INSR: variants seen among roughly 807,000 people sequenced by gnomAD.
INSR encodes the protein insulin receptor.
Under a neutral mutation model 142.6 loss-of-function variants are expected in INSR, and 67 were observed. The ratio of observed to expected loss-of-function variants is 0.47; its 90% CI spans 0.39 to 0.58. The LOEUF (loss-of-function observed/expected upper bound fraction) is 0.58, where lower values mean the gene tolerates loss of function less well. Ranked by LOEUF, INSR falls within the 20% of genes least tolerant of loss-of-function variation. The probability of loss-of-function intolerance (pLI) is 0.00; values close to 1 mark genes in which losing one functional copy is unlikely to be tolerated. For synonymous variants in INSR, 756 were observed against 743.1 expected (o/e 1.02, Z -0.28); for missense variants, 1,248 against 1,833.2 (o/e 0.68, Z 5.83).
At chr19:7,141,651 G>T in intron 13 of INSR, 26 bp downstream of exon 13, 4 of 1,613,770 alleles carry the variant, frequency 2.5e-6, no homozygotes, top group Non-Finnish European at 2.5e-6. Context: ...GTGTGCAGGG[G>T]CATGCCCAAG....
chr19:7,212,669 T>C (rs748246683), intron 2 of INSR, among the ~76,000 whole-genome samples: 5 of 152,024 alleles, frequency 3.3e-5, no homozygotes, highest in Non-Finnish European at 7.4e-5. Flanking sequence ...CACTGCAAGC[T>C]CTACCTCCCG....
At chr19:7,226,324 G>A (rs528232670) in intron 2 of INSR, among the ~76,000 whole-genome samples, 1 of 145,488 alleles carries the variant, frequency 6.9e-6, no homozygotes, top group Non-Finnish European at 1.5e-5. Context: ...GCAGGAGAAT[G>A]GTTTGAACCT....
intron 13 of INSR, among the ~76,000 whole-genome samples, chr19:7,133,157 G>C (rs1599883195): frequency 6.6e-6 from 1 of 152,044 alleles, no homozygotes; most frequent in Admixed American, 6.6e-5. Flanking sequence ...AGCTACTCAG[G>C]AGGCTAAGGC....
chr19:7,163,948 A>AAAAAAAAAAAAATATATATATATAT (rs1411048837), intron 8 of INSR, among the ~76,000 whole-genome samples: 1 of 136,032 alleles, frequency 7.4e-6, no homozygotes, highest in African/African-American at 3.2e-5. Flanking sequence ...AAAAAAAAAA[A>AAAAAAAAAAAAATATATATATATAT]ATTAGCTGGA....
At chr19:7,182,453 C>T (rs1295083080) in intron 3 of INSR, among the ~76,000 whole-genome samples, 1 of 152,134 alleles carries the variant, frequency 6.6e-6, no homozygotes, top group African/African-American at 2.4e-5. Context: ...GCAGAGGTTG[C>T]AGTGAGCTGA....
intron 2 of INSR, among the ~76,000 whole-genome samples, chr19:7,232,060 T>C (rs1975996989): frequency 1.3e-5 from 2 of 152,156 alleles, no homozygotes; most frequent in Non-Finnish European, 2.9e-5. Context: ...TAGTAATCAT[T>C]GTAACACCTC....
At chr19:7,193,132 T>TTC (rs1974645763) in intron 2 of INSR, among the ~76,000 whole-genome samples, 1 of 151,148 alleles carries the variant, frequency 6.6e-6, no homozygotes, top group Non-Finnish European at 1.5e-5. Context: ...TTTTTTTTTT[T>TTC]CCCCAGATGG....
intron 2 of INSR, among the ~76,000 whole-genome samples, chr19:7,207,839 A>T (rs1975146318): frequency 6.6e-6 from 1 of 150,650 alleles, no homozygotes; most frequent in Non-Finnish European, 1.5e-5. Flanking sequence ...ATGAGCTATG[A>T]CTGTGCCGTT....
At chr19:7,291,742 C>CCACA (rs897039828) in intron 1 of INSR, among the ~76,000 whole-genome samples, 10 of 152,294 alleles carry the variant, frequency 6.6e-5, no homozygotes, top group Admixed American at 6.5e-4. Context: ...GAACAGGGAA[C>CCACA]CACACACACG....
chr19:7,238,550 G>T lies in INSR; in HGVS notation c.652+28795C>A, dbSNP rs1430420121. ...GCAGGAGAATCACTTGAACCCAGGA[G>T]GTAGAGGTTGCAATGAGCTGAGATC... is the stretch of plus-strand genomic sequence containing the variant. On this transcript the variant is annotated intron_variant, in intron 2 of 21. Coordinates refer to ENST00000302850, the MANE Select transcript of INSR (RefSeq NM_000208.4). 2.0e-5 allele frequency among the ~76,000 whole-genome samples: 3 copies of T among 146,994 alleles called. No individual in the cohort carries two copies. In the East Asian group the frequency reaches 6.0e-4, roughly 29 times the overall value.
intron 2 of INSR, among the ~76,000 whole-genome samples, chr19:7,245,789 T>C (rs750348884): frequency 6.6e-6 from 1 of 151,844 alleles, no homozygotes; most frequent in Non-Finnish European, 1.5e-5. Flanking sequence ...AAAACAAAAC[T>C]AAAAAAACAC....
intron 2 of INSR, among the ~76,000 whole-genome samples, chr19:7,224,098 C>T (rs1975704669): frequency 6.6e-6 from 1 of 151,994 alleles, no homozygotes; most frequent in Admixed American, 6.6e-5. Flanking sequence ...CGTACACCAC[C>T]ACACCCAGCT....
rs927488747 is a variant in INSR at position 7,225,705 on chromosome 19, C to CT, written c.653-41069_653-41068insA. On this transcript the variant is annotated intron_variant, in intron 2 of 21. Coordinates refer to ENST00000302850, the MANE Select transcript of INSR (RefSeq NM_000208.4). This position sits in a 1 kb window ranked among gnomAD's most constrained non-coding sequence, Gnocchi z 4.7. Reference sequence around the variant, plus strand: ...TGGGCTCTTGGTTTCCATTTCCCCCCCCTCAAAAAAAGAGCAGAGAATAAT... The same window carrying CT: ...TGGGCTCTTGGTTTCCATTTCCCCCCTCCTCAAAAAAAGAGCAGAGAATAAT... 2.3e-5 allele frequency among the ~76,000 whole-genome samples: 3 copies of CT among 131,018 alleles called. No homozygotes were observed. Among genetic ancestry groups the CT allele is most frequent in the Non-Finnish European group, 5.1e-5 (3 of 58,806 alleles). The allele number at this position is 131,018 out of a possible 152,430, so 86.0% of individuals were successfully genotyped here. A position where few individuals can be genotyped will look rare whatever the true frequency, so the allele number is the denominator to read the frequency against.
rs919470267 is a variant in INSR, at chr19:7,216,051, G to A, written c.653-31414C>T. Among the ~76,000 whole-genome samples the A allele has an allele frequency of 6.6e-6, 1 of 151,980 alleles. No individual in the cohort carries two copies. Among genetic ancestry groups the A allele is most frequent in the Non-Finnish European group, 1.5e-5 (1 of 68,002 alleles). On this transcript the variant is annotated intron_variant, in intron 2 of 21. Transcript: ENST00000302850. This position sits in a 1 kb window ranked among gnomAD's most constrained non-coding sequence, Gnocchi z 4.2. ...AAGAAGATGGAAGCAGGCTGGGCAC[G>A]GTGGCTCACGCCTATAATCCCAGCA...
chr19:7,244,066 A>G (rs1328704063), intron 2 of INSR, among the ~76,000 whole-genome samples: 1 of 152,202 alleles, frequency 6.6e-6, no homozygotes. Context: ...CACACAATGA[A>G]TAAAACAATT....
At chr19:7,172,221 C>G in intron 5 of INSR, 69 bp downstream of exon 5, 1 of 1,587,956 alleles carries the variant, frequency 6.3e-7, no homozygotes, top group Non-Finnish European at 8.6e-7. Context: ...CAAAAAAATC[C>G]TTAAGTTGTT....
chr19:7,193,637 CT>C (rs1974660158), intron 2 of INSR, among the ~76,000 whole-genome samples: 1 of 152,050 alleles, frequency 6.6e-6, no homozygotes, highest in East Asian at 1.9e-4. Flanking sequence ...GTGTACTATC[CT>C]GTCAAAACTG....
At chr19:7,146,489 C>A (rs1388453825) in intron 11 of INSR, among the ~76,000 whole-genome samples, 1 of 152,000 alleles carries the variant, frequency 6.6e-6, no homozygotes, top group Non-Finnish European at 1.5e-5. Context: ...ATCCGCCCCC[C>A]ACCTCAGCCT....
intron 2 of INSR, among the ~76,000 whole-genome samples, chr19:7,240,647 A>G (rs922083558): frequency 1.3e-5 from 2 of 152,138 alleles, no homozygotes; most frequent in African/African-American, 4.8e-5. Flanking sequence ...ATGCTCCAAA[A>G]TTTCCTGGCC....
Sources: gnomAD v4.1 joint callset for allele counts (sites outside exome capture counted in the v4.1 genomes callset) on GRCh38, gnomAD v4.1.1 for gene constraint, Gnocchi (gnomAD v3.1) non-coding constraint, MANE v1.5 for transcripts, NCBI Gene and HGNC (gene_info 2026-07-23, HGNC 2026-07-21) for gene names.